The following CIITA variants were observed in gnomAD, a reference collection of about 807,000 sequenced individuals.
The protein encoded by CIITA is class II major histocompatibility complex transactivator.
In CIITA, 72 loss-of-function variants were observed where a neutral mutation model predicts 115.1. The ratio of observed to expected loss-of-function variants is 0.63; its 90% CI spans 0.52 to 0.76. CIITA has a LOEUF of 0.76. CIITA is among the 30% of genes least tolerant of loss of function. CIITA has a pLI of 0.00. For synonymous variants in CIITA, 763 were observed against 635.6 expected (o/e 1.20, Z -3.02); for missense variants, 1,617 against 1,463.8 (o/e 1.10, Z -1.71).
chr16:10,885,596 G>C (rs752028900), intron 1 of CIITA, among the ~76,000 whole-genome samples: 1 of 152,144 alleles, frequency 6.6e-6, no homozygotes, highest in Non-Finnish European at 1.5e-5. Flanking sequence ...CACTTGGTTT[G>C]CAAACAGCAG....
rs775466036 is a variant in CIITA, at chr16:10,904,780, G to C, written c.974G>C (p.Gly325Ala). Residue 325 changes from glycine (G) to alanine (A), a missense_variant, in exon 10 of 20, where the codon GGA becomes GCA. Gly to Ala is a moderately conservative substitution (Grantham distance 60, BLOSUM62 0). Coordinates refer to ENST00000324288, the MANE Select transcript of CIITA (RefSeq NM_000246.4). ...TCCCCCACCCAATGCCCGGCAGCTG[G>C]AGAGGTCTCCAACAAGCTTCCAAAA... ...KTSPTQCPAA[G>A]EVSNKLPKWP... 6.2e-7 allele frequency: 1 copy of C among 1,614,192 alleles called. No homozygotes were observed. Among genetic ancestry groups the C allele is most frequent in the Non-Finnish European group, 8.5e-7 (1 of 1,180,020 alleles).
Position 10,901,558 on chromosome 16 carries a change from G to A in CIITA, c.481G>A (p.Ala161Thr). 6.2e-7 allele frequency: 1 copy of A among 1,614,000 alleles called. No individual in the cohort carries two copies. Among genetic ancestry groups the A allele is most frequent in the Non-Finnish European group, 8.5e-7 (1 of 1,179,990 alleles). Residue 161 changes from alanine (A) to threonine (T), a missense_variant and splice_region_variant, in exon 6 of 20, where the codon GCT becomes ACT. Ala to Thr is a moderately conservative substitution (Grantham distance 58). Coordinates refer to ENST00000324288, the MANE Select transcript of CIITA (RefSeq NM_000246.4). This position sits in a 1 kb window ranked among gnomAD's most constrained non-coding sequence, Gnocchi z 6.8. ...LPADLKHWKPAEPPTVVTGSL... is the reference protein window; with the variant it reads ...LPADLKHWKPTEPPTVVTGSL... Reference sequence around the variant, plus strand: ...GGCAGACCTGAAGCACTGGAAGCCAGGTGTGCAGGGCAGGTGGGCTGGGGT... The same window carrying A: ...GGCAGACCTGAAGCACTGGAAGCCAAGTGTGCAGGGCAGGTGGGCTGGGGT...
chr16:10,879,325 G>A lies in CIITA; in HGVS notation c.52+1943G>A, dbSNP rs531835038. Among the ~76,000 whole-genome samples the A allele has an allele frequency of 1.3e-5, 2 of 152,118 alleles. No individual in the cohort carries two copies. The highest frequency in any genetic ancestry group is 4.8e-5 in the African/African-American group (2 of 41,410). On this transcript the variant is annotated intron_variant, in intron 1 of 19. Transcript: ENST00000324288. This position sits in a 1 kb window ranked among gnomAD's most constrained non-coding sequence, Gnocchi z 4.3. ...GGCGGCAGCTTCTGCAGAGAAGCCGGAGCGCAGACTGGGAGCGCGGAGCAG... is the reference window on the plus strand; with the variant it reads ...GGCGGCAGCTTCTGCAGAGAAGCCGAAGCGCAGACTGGGAGCGCGGAGCAG...
intron 5 of CIITA, among the ~76,000 whole-genome samples, chr16:10,899,475 A>G (rs1373772171): frequency 2.6e-5 from 4 of 151,880 alleles, no homozygotes; most frequent in Non-Finnish European, 5.9e-5. Context: ...AGTTATTCTC[A>G]CCTTGTGTGT....
chr16:10,906,670 C>G lies in CIITA; in HGVS notation c.1178C>G (p.Ala393Gly). The change falls in exon 11 of 20, where the codon GCC becomes GGC. Residue 393 changes from alanine (A) to glycine (G), a missense_variant. Transcript: ENST00000324288. ...CCGGACTGGGCAGAACGGCAGCTGG[C>G]CCAAGGAGGCCTGGCTGAGGTGCTG... Reference protein sequence around the residue: ...ATPDWAERQLAQGGLAEVLLA... With the variant: ...ATPDWAERQLGQGGLAEVLLA... The G allele has an allele frequency of 6.2e-7, 1 of 1,613,316 alleles. No individual in the cohort carries two copies.
Position 10,898,140 on chromosome 16 carries a change from T to C in CIITA, c.296-530T>C, listed in dbSNP as rs576072865. On this transcript the variant is annotated intron_variant, in intron 3 of 19. Transcript: ENST00000324288. Reference sequence around the variant, plus strand: ...ACCTTTTTTCTCGGACTTCATGTCATGGTGCCTATATTCCAAGGGCTCTGA... The same window carrying C: ...ACCTTTTTTCTCGGACTTCATGTCACGGTGCCTATATTCCAAGGGCTCTGA... Among the ~76,000 whole-genome samples, 4 of 152,334 alleles carry C rather than the reference T, an allele frequency of 2.6e-5. No homozygotes were observed. In the South Asian group the frequency reaches 8.3e-4, roughly 32 times the overall value.
At chr16:10,916,548 G>A in intron 15 of CIITA, 89 bp downstream of exon 15, 2 of 1,137,388 alleles carry the variant, frequency 1.8e-6, no homozygotes, top group East Asian at 5.1e-5. Context: ...TGTTTTTTTA[G>A]ACAAGGGCTC....
chr16:10,873,929 C>A (rs939715648), upstream of CIITA, among the ~76,000 whole-genome samples: 1 of 152,192 alleles, frequency 6.6e-6, no homozygotes, highest in African/African-American at 2.4e-5. Context: ...ATCCTCATCA[C>A]CTCTGCAAGA....
At chr16:10,876,642 A>C, upstream of CIITA, among the ~76,000 whole-genome samples, 1 of 152,320 alleles carries the variant, frequency 6.6e-6, no homozygotes, top group East Asian at 1.9e-4. Context: ...ACCCCAAACC[A>C]TCTGACTACA....
At chr16:10,919,793 A>G (rs1224750470) in intron 16 of CIITA, among the ~76,000 whole-genome samples, 1 of 152,254 alleles carries the variant, frequency 6.6e-6, no homozygotes, top group Non-Finnish European at 1.5e-5. Context: ...GCTAAAAACT[A>G]GAGATACAAG....
Position 10,907,947 on chromosome 16 carries a change from G to A in CIITA, c.2455G>A (p.Ala819Thr), listed in dbSNP as rs762247991. ...GCACTGCGCCCACGAGGCCGAGGAG[G>A]CTGGAATTTGGCAGCACGTGGTACA... is the stretch of plus-strand genomic sequence containing the variant. ...LLHCAHEAEE[A>T]GIWQHVVQEL... The change falls in exon 11 of 20, where the codon GCT becomes ACT. Residue 819 changes from alanine to threonine, a missense_variant. By Grantham distance (58) the Ala-to-Thr change is moderately conservative (BLOSUM62 0). Transcript: ENST00000324288. This position sits in a 1 kb window ranked among gnomAD's most constrained non-coding sequence, Gnocchi z 5.0. The A allele has an allele frequency of 6.4e-7, 1 of 1,564,378 alleles. No individual in the cohort carries two copies. Among genetic ancestry groups the A allele is most frequent in the Non-Finnish European group, 8.6e-7 (1 of 1,156,584 alleles).
At chr16:10,872,395 T>A (rs2035549364), upstream of CIITA, among the ~76,000 whole-genome samples, 1 of 152,206 alleles carries the variant, frequency 6.6e-6, no homozygotes, top group East Asian at 1.9e-4. Context: ...AATGCTGGGA[T>A]TATAGGCGTG....
chr16:10,942,180 G>A lies in CIITA; in HGVS notation n.1306G>A. ...TGCGCCCCGACCCCCGAAATGCGCCGGGCGGGTCACCGCACCCCGAGATGT... is the reference window on the plus strand; with the variant it reads ...TGCGCCCCGACCCCCGAAATGCGCCAGGCGGGTCACCGCACCCCGAGATGT... On this transcript the variant is annotated non_coding_transcript_exon_variant, in exon 2 of 2. Transcript: ENST00000573379. The surrounding 1 kb of genome is among the most constrained non-coding windows in gnomAD (Gnocchi z 5.0). The A allele has an allele frequency of 2.0e-6, 1 of 495,684 alleles. No homozygotes were observed. Among genetic ancestry groups the A allele is most frequent in the Non-Finnish European group, 3.3e-6 (1 of 306,326 alleles). 30.7% of individuals were successfully genotyped at this position (495,684 alleles called of 1,614,324 possible).
chr16:10,902,720 C>T lies in CIITA; in HGVS notation c.691C>T (p.Pro231Ser), dbSNP rs147472574. The T allele has an allele frequency of 5.1e-4, 828 of 1,614,184 alleles. 12 individuals are homozygous for T. The East Asian group carries it at 0.014, about 27-fold the overall frequency. Residue 231 changes from proline (P) to serine (S), a missense_variant, in exon 8 of 20, where the codon CCC becomes TCC. By Grantham distance (74) the Pro-to-Ser change is moderately conservative. Coordinates refer to ENST00000324288, the MANE Select transcript of CIITA (RefSeq NM_000246.4). ...NLPEGPIQFV[P>S]TISTLPHGLW... The stretch of plus-strand genomic sequence containing the variant: ...CCCTGAGGGACCCATCCAGTTTGTC[C>T]CCACCATCTCCACTCTGCCCCATGG...
At chr16:10,893,923 C>A (rs116416319) in intron 1 of CIITA, among the ~76,000 whole-genome samples, 4,539 of 151,400 alleles carry the variant, frequency 0.03, 223 homozygotes, top group African/African-American at 0.1. Flanking sequence ...TTCATCACCC[C>A]CTAAAGAAAC....
At chr16:10,872,319 C>T (rs576358530), upstream of CIITA, among the ~76,000 whole-genome samples, 2 of 152,076 alleles carry the variant, frequency 1.3e-5, no homozygotes, top group Admixed American at 1.3e-4. Flanking sequence ...GACAGGGTTT[C>T]ATCATGTTGG....
chr16:10,902,605 C>G, intron 7 of CIITA, 53 bp from the exon 8 acceptor site: 1 of 1,611,336 alleles, frequency 6.2e-7, no homozygotes, highest in Non-Finnish European at 8.5e-7. Context: ...AAAGCAGAAT[C>G]GCAAACACAG....
intron 2 of CIITA, 86 bp downstream of exon 2, chr16:10,895,514 CTGCCCTCCCG>C: frequency 6.3e-7 from 1 of 1,592,874 alleles, no homozygotes; most frequent in Non-Finnish European, 8.6e-7. Flanking sequence ...ATTCTGGTCC[CTGCCCTCCCG>C]TCAGCACCAC....
chr16:10,887,992 C>A (rs780757065), intron 1 of CIITA, among the ~76,000 whole-genome samples: 2 of 152,192 alleles, frequency 1.3e-5, no homozygotes, highest in Non-Finnish European at 2.9e-5. Context: ...CAACAATCTC[C>A]CAGAGTTGCC....
Sources: gnomAD v4.1 joint callset for allele counts (sites outside exome capture counted in the v4.1 genomes callset) on GRCh38, gnomAD v4.1.1 for gene constraint, Gnocchi (gnomAD v3.1) non-coding constraint, MANE v1.5 for transcripts, NCBI Gene and HGNC (gene_info 2026-07-23, HGNC 2026-07-21) for gene names.